The following ARHGAP31 variants were observed in gnomAD, a reference collection of about 807,000 sequenced individuals.
ARHGAP31 encodes the protein rho GTPase-activating protein 31.
Under a neutral mutation model 113.9 loss-of-function variants are expected in ARHGAP31, and 34 were observed. The ratio of observed to expected loss-of-function variants is 0.30; its 90% CI spans 0.23 to 0.40. The LOEUF (loss-of-function observed/expected upper bound fraction) is 0.40. Among genes scored for constraint, ARHGAP31 ranks in the 10% least tolerant of loss-of-function variants. The pLI, the probability that ARHGAP31 is intolerant of heterozygous loss-of-function variation, is 1.00. For synonymous variants in ARHGAP31, 650 were observed against 684.8 expected (o/e 0.95, Z 0.79); for missense variants, 1,548 against 1,767.1 (o/e 0.88, Z 2.22).
intron 1 of ARHGAP31, among the ~76,000 whole-genome samples, chr3:119,320,750 C>T (rs1013321296): frequency 6.6e-6 from 1 of 152,200 alleles, no homozygotes; most frequent in Non-Finnish European, 1.5e-5. Flanking sequence ...CTCTGGCCTA[C>T]TGTGGCATGC....
chr3:119,385,956 G>C (rs2080445147), intron 6 of ARHGAP31, among the ~76,000 whole-genome samples: 1 of 152,222 alleles, frequency 6.6e-6, no homozygotes, highest in Admixed American at 6.5e-5. Context: ...TGTTAAGGCT[G>C]TTCCTAATTC....
intron 1 of ARHGAP31, among the ~76,000 whole-genome samples, chr3:119,318,492 T>C (rs1576991255): frequency 6.6e-6 from 1 of 152,334 alleles, no homozygotes; most frequent in East Asian, 1.9e-4. Flanking sequence ...TTCTACCCAG[T>C]AGATGCAGGT....
chr3:119,332,605 TC>T (rs2107607773), intron 1 of ARHGAP31, among the ~76,000 whole-genome samples: 1 of 100,378 alleles, frequency 1.0e-5, no homozygotes, highest in African/African-American at 3.9e-5. Flanking sequence ...TCTCTCTCTT[TC>T]TCTCTCTCTC....
intron 1 of ARHGAP31, among the ~76,000 whole-genome samples, chr3:119,325,818 A>AT (rs2079836575): frequency 6.6e-6 from 1 of 152,096 alleles, no homozygotes; most frequent in Admixed American, 6.5e-5. Context: ...GTTTTTAAAA[A>AT]TTTTTTTTGA....
chr3:119,313,331 A>G (rs2079699109), intron 1 of ARHGAP31, among the ~76,000 whole-genome samples: 1 of 152,200 alleles, frequency 6.6e-6, no homozygotes, highest in African/African-American at 2.4e-5. Context: ...TTTAAACCAT[A>G]ATTTATTTCA....
intron 3 of ARHGAP31, among the ~76,000 whole-genome samples, chr3:119,375,789 A>G (rs2080341247): frequency 6.6e-6 from 1 of 152,164 alleles, no homozygotes; most frequent in South Asian, 2.1e-4. Flanking sequence ...TTTTAATTAA[A>G]CTTGTCACCT....
intron 1 of ARHGAP31, among the ~76,000 whole-genome samples, chr3:119,342,118 C>G (rs1470369738): frequency 6.6e-6 from 1 of 152,124 alleles, no homozygotes; most frequent in African/African-American, 2.4e-5. Context: ...AGTAGAGTCC[C>G]TCTCTGTTTC....
intron 1 of ARHGAP31, among the ~76,000 whole-genome samples, chr3:119,331,885 G>T (rs2044621): frequency 0.36 from 53,915 of 151,750 alleles, 11,195 homozygotes; most frequent in African/African-American, 0.58. Flanking sequence ...GCTTCTGCAG[G>T]GCCTGGCTGC....
At chr3:119,403,838 T>A (rs562296418) in intron 10 of ARHGAP31, among the ~76,000 whole-genome samples, 1 of 152,314 alleles carries the variant, frequency 6.6e-6, no homozygotes, top group African/African-American at 2.4e-5. Context: ...GGATGCTAGC[T>A]TTACTGCTTT....
intron 1 of ARHGAP31, among the ~76,000 whole-genome samples, chr3:119,360,418 C>T (rs1038541353): frequency 6.6e-6 from 1 of 152,198 alleles, no homozygotes; most frequent in African/African-American, 2.4e-5. Flanking sequence ...AAGAATGTGG[C>T]CACCACAACC....
In ARHGAP31 at chr3:119,414,267, C is replaced by A; in HGVS notation, c.2338C>A (p.Pro780Thr). ...EVGGPGNLSP[P>T]LPPAPPPPTP... ...AGGAGGCCCAGGCAATCTGTCTCCTCCACTCCCACCTGCTCCTCCCCCTCC... is the reference window on the plus strand; with the variant it reads ...AGGAGGCCCAGGCAATCTGTCTCCTACACTCCCACCTGCTCCTCCCCCTCC... The change falls in exon 12 of 12, where the codon CCA becomes ACA. Residue 780 changes from proline to threonine, a missense_variant. Physicochemically the swap from Pro to Thr is conservative, Grantham distance 38. Coordinates refer to ENST00000264245, the MANE Select transcript of ARHGAP31 (RefSeq NM_020754.4). 6.2e-7 allele frequency: 1 copy of A among 1,614,146 alleles called. No homozygotes were observed. The highest frequency in any genetic ancestry group is 2.2e-5 in the East Asian group (1 of 44,874).
At chr3:119,388,377 G>T (rs1315831069) in intron 6 of ARHGAP31, among the ~76,000 whole-genome samples, 1 of 149,370 alleles carries the variant, frequency 6.7e-6, no homozygotes, top group African/African-American at 2.5e-5. Flanking sequence ...GGGCCAGTGG[G>T]CAAACAGGAA....
At position 119,414,067 on chromosome 3, in the gene ARHGAP31, C is replaced by A. The variant is rs2080743772; in HGVS notation, c.2138C>A (p.Thr713Asn). ...GGCTCCTTCCCTGCTCCAGTCTCCA[C>A]CCCTCTGGAGGTGTGGACTAGGGAT... is the stretch of plus-strand genomic sequence containing the variant. ...PCGSFPAPVSTPLEVWTRDPA... is the reference protein window; with the variant it reads ...PCGSFPAPVSNPLEVWTRDPA... Residue 713 changes from threonine (T) to asparagine (N), a missense_variant, in exon 12 of 12, where the codon ACC becomes AAC. Coordinates refer to ENST00000264245, the MANE Select transcript of ARHGAP31 (RefSeq NM_020754.4). 2 of 1,614,058 alleles carry A rather than the reference C, an allele frequency of 1.2e-6. No homozygotes were observed. Among genetic ancestry groups the A allele is most frequent in the African/African-American group, 2.7e-5 (2 of 74,890 alleles).
chr3:119,308,433 A>G (rs2079649578), intron 1 of ARHGAP31, among the ~76,000 whole-genome samples: 1 of 152,194 alleles, frequency 6.6e-6, no homozygotes, highest in East Asian at 1.9e-4. Flanking sequence ...TGCCTTTTCC[A>G]GCTTCCAGAA....
rs2079531477 is a variant in ARHGAP31 at position 119,296,062 on chromosome 3, G to A, written c.100+1058G>A. 2.0e-5 allele frequency among the ~76,000 whole-genome samples: 3 copies of A among 152,194 alleles called. No individual in the cohort carries two copies. In the South Asian group the frequency reaches 6.2e-4, roughly 32 times the overall value. On this transcript the variant is annotated intron_variant, in intron 1 of 11. Coordinates refer to ENST00000264245, the MANE Select transcript of ARHGAP31 (RefSeq NM_020754.4). ...GGGGAAAACTAAGGGCTGTGTAACCGTGCGGAATAATTCTGCCTCCAGGAA... is the reference window on the plus strand; with the variant it reads ...GGGGAAAACTAAGGGCTGTGTAACCATGCGGAATAATTCTGCCTCCAGGAA...
Position 119,415,645 on chromosome 3 carries a change from C to T in ARHGAP31, c.3716C>T (p.Thr1239Ile). Residue 1239 changes from threonine (T) to isoleucine (I), a missense_variant, in exon 12 of 12, where the codon ACC becomes ATC. Physicochemically the swap from Thr to Ile is moderately conservative, Grantham distance 89 (BLOSUM62 -1). Coordinates refer to ENST00000264245, the MANE Select transcript of ARHGAP31 (RefSeq NM_020754.4). Reference sequence around the variant, plus strand: ...AGGAGCCAGGAGGGACCCAGCTCAACCAGTGGGACCACTCAGAAACCTGCC... The same window carrying T: ...AGGAGCCAGGAGGGACCCAGCTCAATCAGTGGGACCACTCAGAAACCTGCC... ...LERSQEGPSS[T>I]SGTTQKPAKD... 6.2e-7 allele frequency: 1 copy of T among 1,614,140 alleles called. No homozygotes were observed. Among genetic ancestry groups the T allele is most frequent in the Non-Finnish European group, 8.5e-7 (1 of 1,180,020 alleles).
At chr3:119,371,530 C>A (rs962861928) in intron 3 of ARHGAP31, among the ~76,000 whole-genome samples, 7 of 152,298 alleles carry the variant, frequency 4.6e-5, no homozygotes, top group East Asian at 3.9e-4. Flanking sequence ...TAATAGATTT[C>A]TTTGATCACA....
At chr3:119,302,760 A>G (rs534233062) in intron 1 of ARHGAP31, among the ~76,000 whole-genome samples, 2 of 152,386 alleles carry the variant, frequency 1.3e-5, no homozygotes, top group Admixed American at 6.5e-5. Flanking sequence ...CATGAACCAC[A>G]TATCTTAGGA....
At chr3:119,311,559 G>C (rs772369193) in intron 1 of ARHGAP31, among the ~76,000 whole-genome samples, 4 of 152,180 alleles carry the variant, frequency 2.6e-5, no homozygotes, top group Non-Finnish European at 5.9e-5. Flanking sequence ...GACCTCTTTG[G>C]GGGGACGTTA....
Sources: allele counts gnomAD v4.1 joint callset (sites outside exome capture counted in the v4.1 genomes callset), GRCh38; gene constraint gnomAD v4.1.1; transcripts MANE v1.5; gene names NCBI Gene and HGNC (gene_info 2026-07-23, HGNC 2026-07-21).